Variants in ARHGEF10 observed in about 807,000 individuals in gnomAD.
The protein encoded by ARHGEF10 is Rho guanine nucleotide exchange factor (GEF) 10.
ARHGEF10 carries 140 observed loss-of-function variants against 147.4 expected under a neutral mutation model. The ratio of observed to expected loss-of-function variants is 0.95; its 90% confidence interval spans 0.83 to 1.09. The LOEUF is 1.09. Ranked by LOEUF, ARHGEF10 falls within the 50% of genes least tolerant of loss-of-function variation. ARHGEF10 has a pLI of 0.00. For missense variants in ARHGEF10, 2,222 were observed against 1,752.7 expected, an observed-to-expected ratio of 1.27 and a Z score of -4.78; for synonymous variants, 902 against 695.8, an observed-to-expected ratio of 1.30 and a Z score of -4.67.
rs1490172093 is a variant in ARHGEF10 at position 1,945,882 on chromosome 8, C to CGTGCTGGGAGGAGCCGT, written c.3397+243_3397+244insTGTGCTGGGAGGAGCCG. ...CAGGGCACAGGTCCTGAAGGAGCCG[C>CGTGCTGGGAGGAGCCGT]GTGCTGGGAGGAGCCGCGTGCTGGG... On this transcript the variant is annotated intron_variant, in intron 27 of 28. Coordinates refer to ENST00000349830, the MANE Select transcript of ARHGEF10 (RefSeq NM_014629.4). 7.5e-3 allele frequency: 5,666 copies of CGTGCTGGGAGGAGCCGT among 752,020 alleles called. 53 individuals carry two copies. Among genetic ancestry groups the CGTGCTGGGAGGAGCCGT allele is most frequent in the South Asian group, 0.02 (1,141 of 58,194 alleles). 46.6% of individuals were successfully genotyped at this position (752,020 alleles called of 1,614,324 possible). A position where few individuals can be genotyped will look rare whatever the true frequency, so the allele number is the denominator to read the frequency against.
At chr8:1,823,355 G>C (rs947511384), upstream of ARHGEF10, among the ~76,000 whole-genome samples, 30 of 151,926 alleles carry the variant, frequency 2.0e-4, no homozygotes, top group African/African-American at 7.2e-4. Context: ...GCTGCGGACG[G>C]AGGGACGGGG....
At chr8:1,841,843 CTGGGGCCGCGGCG>C (rs2129049552) in intron 1 of ARHGEF10, among the ~76,000 whole-genome samples, 3 of 117,864 alleles carry the variant, frequency 2.5e-5, no homozygotes, top group East Asian at 3.4e-4. Flanking sequence ...GCGACGGGAA[CTGGGGCCGCGGCG>C]GGAACTGGGG....
chr8:1,935,406 G>T (rs574852456), intron 26 of ARHGEF10, among the ~76,000 whole-genome samples: 1 of 152,124 alleles, frequency 6.6e-6, no homozygotes, highest in Non-Finnish European at 1.5e-5. Context: ...CTACAGCATC[G>T]CGCAGAGTGG....
intron 11 of ARHGEF10, among the ~76,000 whole-genome samples, 192 bp from the exon 12 acceptor site, chr8:1,893,377 A>C (rs1809706643): frequency 6.6e-6 from 1 of 152,206 alleles, no homozygotes; most frequent in Admixed American, 6.5e-5. Flanking sequence ...TTGAGGTTTA[A>C]GACATTATAT....
Position 1,867,045 on chromosome 8 carries a change from C to G in ARHGEF10, c.622+443C>G, listed in dbSNP as rs1806688048. On this transcript the variant is annotated intron_variant, in intron 6 of 28. Transcript: ENST00000349830. ...TTTTTTTTTTTTTGTCCCATACACA[C>G]TTTATTTTACATAACTTGGTGTTTT... Among the ~76,000 whole-genome samples the G allele has an allele frequency of 2.0e-5, 3 of 149,446 alleles. No homozygotes were observed. The South Asian group carries it at 6.3e-4, about 31-fold the overall frequency.
At chr8:1,847,872 C>T (rs1804678287) in intron 2 of ARHGEF10, among the ~76,000 whole-genome samples, 2 of 152,224 alleles carry the variant, frequency 1.3e-5, no homozygotes, top group Non-Finnish European at 2.9e-5. Context: ...GGAAAAGTAA[C>T]ACTTAGCTTT....
intron 25 of ARHGEF10, among the ~76,000 whole-genome samples, chr8:1,930,547 T>TTCCAGTCC (rs1357665765): frequency 1.4e-5 from 2 of 138,808 alleles, no homozygotes; most frequent in Non-Finnish European, 3.1e-5. Context: ...TAGAATAGAA[T>TTCCAGTCC]TCCAGTCCTC....
At chr8:1,838,042 G>A (rs1358851873) in intron 1 of ARHGEF10, among the ~76,000 whole-genome samples, 1 of 152,186 alleles carries the variant, frequency 6.6e-6, no homozygotes, top group Admixed American at 6.5e-5. Context: ...AGTTCAGGGC[G>A]TTTATTCATT....
intron 18 of ARHGEF10, among the ~76,000 whole-genome samples, chr8:1,915,402 T>C (rs948957052): frequency 2.0e-5 from 3 of 152,212 alleles, no homozygotes; most frequent in East Asian, 1.9e-4. Flanking sequence ...TTTCACAAAA[T>C]GAGAGCCCAT....
intron 16 of ARHGEF10, chr8:1,903,700 A>G: frequency 1.8e-6 from 1 of 569,672 alleles, no homozygotes; most frequent in South Asian, 2.0e-5. Context: ...AGACCCTCAA[A>G]TGGATCCAGG....
intron 9 of ARHGEF10, among the ~76,000 whole-genome samples, chr8:1,881,424 G>T (rs1201114206): frequency 6.6e-6 from 1 of 152,218 alleles, no homozygotes; most frequent in Non-Finnish European, 1.5e-5. Flanking sequence ...ATGTAGACAG[G>T]CTGTGCAGGA....
chr8:1,866,581 G>A lies in ARHGEF10; in HGVS notation c.601G>A (p.Ala201Thr). ...ACTTGCCCGCTGGGCCGCAGACCCG[G>A]CCAACACAGCCTGGATGGAGAGTAA... ...SALARWAADP[A>T]NTAWMENPEE... Residue 201 changes from alanine to threonine, a missense_variant, in exon 6 of 29, where the codon GCC (alanine) becomes ACC (threonine). Coordinates refer to ENST00000349830, the MANE Select transcript of ARHGEF10 (RefSeq NM_014629.4). 1 of 1,606,814 alleles carries A rather than the reference G, an allele frequency of 6.2e-7. No homozygotes were observed. Among genetic ancestry groups the A allele is most frequent in the Middle Eastern group, 1.7e-4 (1 of 6,010 alleles).
At chr8:1,857,122 C>T (rs972024805) in intron 2 of ARHGEF10, among the ~76,000 whole-genome samples, 1 of 152,176 alleles carries the variant, frequency 6.6e-6, no homozygotes, top group African/African-American at 2.4e-5. Context: ...TAACCATGCT[C>T]TTTAATAATT....
rs748190585 is a variant in ARHGEF10 at position 1,957,025 on chromosome 8, C to A, written c.3797C>A (p.Ser1266Tyr). The change falls in exon 29 of 29, where the codon TCT (serine) becomes TAT (tyrosine). Residue 1266 changes from serine (S) to tyrosine (Y), a missense_variant. Coordinates refer to ENST00000349830, the MANE Select transcript of ARHGEF10 (RefSeq NM_014629.4). ...TCCTCATCTGGGTCCCTGAGCTTGT[C>A]TCACGGCTCCAGCTCTCTAGAGCAC... Reference protein sequence around the residue: ...LSSSSGSLSLSHGSSSLEHRS... With the variant: ...LSSSSGSLSLYHGSSSLEHRS... 6 of 1,614,020 alleles carry A rather than the reference C, an allele frequency of 3.7e-6. No individual in the cohort carries two copies. In the Admixed American group the frequency reaches 1.0e-4, roughly 27 times the overall value.
In ARHGEF10 at chr8:1,888,753, A is replaced by G. The variant is rs13252556; in HGVS notation, c.1182+3046A>G. Among the ~76,000 whole-genome samples, 56 of 12,978 alleles carry G rather than the reference A, an allele frequency of 4.3e-3. 13 individuals carry two copies. The highest frequency in any genetic ancestry group is 6.5e-3 in the African/African-American group (15 of 2,306). 8.5% of individuals were successfully genotyped at this position (12,978 alleles called of 152,430 possible). On this transcript the variant is annotated intron_variant, in intron 11 of 28. Coordinates refer to ENST00000349830, the MANE Select transcript of ARHGEF10 (RefSeq NM_014629.4). The stretch of plus-strand genomic sequence containing the variant: ...TGAGGTTTGTGAGGAGACACTGAAT[A>G]GGGTGAGGTTTGTGAGGAGACACTG...
chr8:1,881,863 C>A (rs920140402), intron 9 of ARHGEF10, among the ~76,000 whole-genome samples: 1 of 152,152 alleles, frequency 6.6e-6, no homozygotes, highest in African/African-American at 2.4e-5. Context: ...TCGGTTGTCC[C>A]ATAAGAGATC....
rs1360760481 is a variant in ARHGEF10 at position 1,876,551 on chromosome 8, T to A, written c.680-20T>A. Reference sequence around the variant, plus strand: ...TGGAATTCTAAAGTTTTAATTTCATTTTGGAATTTATGCACTCAGATGAAA... The same window carrying A: ...TGGAATTCTAAAGTTTTAATTTCATATTGGAATTTATGCACTCAGATGAAA... On this transcript the variant is annotated intron_variant, in intron 7 of 28. Transcript: ENST00000349830. The A allele has an allele frequency of 6.2e-7, 1 of 1,612,848 alleles. No homozygotes were observed. Among genetic ancestry groups the A allele is most frequent in the Admixed American group, 1.7e-5 (1 of 60,024 alleles).
At chr8:1,906,331 T>C (rs1191014771) in intron 17 of ARHGEF10, among the ~76,000 whole-genome samples, 1 of 152,198 alleles carries the variant, frequency 6.6e-6, no homozygotes, top group Non-Finnish European at 1.5e-5. Context: ...TCGTCATGTC[T>C]TGCAAGAGTC....
chr8:1,930,333 T>C (rs984136672), intron 25 of ARHGEF10, among the ~76,000 whole-genome samples: 2 of 152,120 alleles, frequency 1.3e-5, no homozygotes, highest in South Asian at 4.2e-4. Context: ...CCCGAGACCA[T>C]GTCCCAGCTC....
Sources: gnomAD v4.1 joint callset for allele counts (sites outside exome capture counted in the v4.1 genomes callset) on GRCh38, gnomAD v4.1.1 for gene constraint, MANE v1.5 for transcripts, NCBI Gene and HGNC (gene_info 2026-07-23, HGNC 2026-07-21) for gene names.